Variants in PRKAG2 observed in about 807,000 individuals in gnomAD.
PRKAG2 encodes 5'-AMP-activated protein kinase subunit gamma-2.
PRKAG2 carries 26 observed loss-of-function variants against 69.6 expected under a neutral mutation model. That is an observed-to-expected ratio of 0.37 (90% confidence interval 0.27 to 0.52). The LOEUF (loss-of-function observed/expected upper bound fraction) is 0.52. Among genes scored for constraint, PRKAG2 ranks in the 20% least tolerant of loss-of-function variants. The pLI is 0.90. For missense variants in PRKAG2, 557 were observed against 740.0 expected, an observed-to-expected ratio of 0.75 and a Z score of 2.87; for synonymous variants, 293 against 285.0, an observed-to-expected ratio of 1.03 and a Z score of -0.28.
Position 151,718,660 on chromosome 7 carries a change from G to GT in PRKAG2, c.467-43024dup, listed in dbSNP as rs35755070. Among the ~76,000 whole-genome samples, 11 of 148,976 alleles carry GT rather than the reference G, an allele frequency of 7.4e-5. No homozygotes were observed. In the East Asian group the frequency reaches 9.9e-4, roughly 13 times the overall value. On this transcript the variant is annotated intron_variant, in intron 3 of 15. Transcript: ENST00000287878. The stretch of plus-strand genomic sequence containing the variant: ...AAACAAAACAAACAAAAAAACCCAG[G>GT]TTTTTTTTGCATCCTGGGGACTCTG...
At chr7:151,799,905 A>G (rs1330104819) in intron 1 of PRKAG2, among the ~76,000 whole-genome samples, 1 of 152,206 alleles carries the variant, frequency 6.6e-6, no homozygotes, top group African/African-American at 2.4e-5. Context: ...GGGTGGGCTA[A>G]CAACACTCAC....
In PRKAG2 at chr7:151,849,990, C is replaced by T. The variant is rs144699858; in HGVS notation, c.114+26517G>A. 1.7e-3 allele frequency among the ~76,000 whole-genome samples: 255 copies of T among 152,226 alleles called. 1 individual carries two copies. The highest frequency in any genetic ancestry group is 5.9e-3 in the African/African-American group (247 of 41,536). ...CTGGGGAAGCTGCTCCTGCCCAGCC[C>T]GCAGCACGTTTGCCATTTTCCGGAG... On this transcript the variant is annotated intron_variant, in intron 1 of 15. Transcript: ENST00000287878.
chr7:151,839,889 C>T (rs944613234), intron 1 of PRKAG2, among the ~76,000 whole-genome samples: 1 of 152,150 alleles, frequency 6.6e-6, no homozygotes, highest in African/African-American at 2.4e-5. Flanking sequence ...CTGAGCAGGG[C>T]GGCAGAGGAA....
intron 1 of PRKAG2, among the ~76,000 whole-genome samples, chr7:151,793,344 C>T (rs1586562544): frequency 6.6e-6 from 1 of 152,190 alleles, no homozygotes; most frequent in Admixed American, 6.5e-5. Context: ...CGGCCAGGAC[C>T]CAGCAGCATT....
At chr7:151,815,941 T>G (rs1194516940) in intron 1 of PRKAG2, among the ~76,000 whole-genome samples, 1 of 152,200 alleles carries the variant, frequency 6.6e-6, no homozygotes, top group Non-Finnish European at 1.5e-5. Flanking sequence ...TCCACGAGCC[T>G]GTGACTCAAA....
chr7:151,736,738 G>A (rs1031975028), intron 3 of PRKAG2, among the ~76,000 whole-genome samples: 3 of 152,244 alleles, frequency 2.0e-5, no homozygotes, highest in Non-Finnish European at 4.4e-5. Context: ...TCTTCAAGGA[G>A]GGGATACAGC....
chr7:151,650,684 C>T lies in PRKAG2; in HGVS notation c.685-18546G>A, dbSNP rs75980985. Among the ~76,000 whole-genome samples, 1,378 of 152,290 alleles carry T rather than the reference C, an allele frequency of 9.0e-3. 17 individuals are homozygous for T. The highest frequency in any genetic ancestry group is 0.032 in the African/African-American group (1,317 of 41,554). On this transcript the variant is annotated intron_variant, in intron 4 of 15. Transcript: ENST00000287878. ...TGCTTTTCCCCATCAATGTCAGCAC[C>T]GTGGCAAATTCTGGTGCCTTAATTC...
chr7:151,632,428 G>A lies in PRKAG2; in HGVS notation c.685-290C>T, dbSNP rs1416501097. 3.3e-5 allele frequency: 18 copies of A among 547,124 alleles called. No individual in the cohort carries two copies. Among genetic ancestry groups the A allele is most frequent in the African/African-American group, 4.1e-5 (2 of 48,520 alleles). 33.9% of individuals were successfully genotyped at this position (547,124 alleles called of 1,614,324 possible). A position where few individuals can be genotyped will look rare whatever the true frequency, so the allele number is the denominator to read the frequency against. ...TGGTACGGCCCGCCCGGGAGGAAGC[G>A]TGGGAAGGGACCCGGGAGCTCGAGG... On this transcript the variant is annotated intron_variant, in intron 4 of 15. Coordinates refer to ENST00000287878, the MANE Select transcript of PRKAG2 (RefSeq NM_016203.4). The surrounding 1 kb of genome is among the most constrained non-coding windows in gnomAD (Gnocchi z 4.2).
At chr7:151,591,897 C>T (rs774049918) in intron 6 of PRKAG2, among the ~76,000 whole-genome samples, 2 of 152,134 alleles carry the variant, frequency 1.3e-5, no homozygotes, top group Non-Finnish European at 2.9e-5. Context: ...AGTTCCTGGC[C>T]GACTGCACCA....
chr7:151,843,394 G>C (rs1017746378), intron 1 of PRKAG2, among the ~76,000 whole-genome samples: 1 of 152,120 alleles, frequency 6.6e-6, no homozygotes, highest in African/African-American at 2.4e-5. Context: ...ATATGGTGTT[G>C]ACAAGCTGAA....
chr7:151,800,858 C>T (rs2077802511), intron 1 of PRKAG2, among the ~76,000 whole-genome samples: 1 of 152,132 alleles, frequency 6.6e-6, no homozygotes, highest in Non-Finnish European at 1.5e-5. Context: ...AATAAGGTAT[C>T]AACAGAAGCT....
chr7:151,577,492 G>A (rs868291385), intron 6 of PRKAG2, among the ~76,000 whole-genome samples: 3 of 152,132 alleles, frequency 2.0e-5, no homozygotes, highest in East Asian at 1.9e-4. Flanking sequence ...TAAATAAGCC[G>A]ATATTTTAAA....
rs889269668 is a variant in PRKAG2 at position 151,582,415 on chromosome 7, G to A, written c.865-5963C>T. Among the ~76,000 whole-genome samples the A allele has an allele frequency of 2.0e-5, 3 of 152,142 alleles. No homozygotes were observed. In the South Asian group the frequency reaches 6.2e-4, roughly 32 times the overall value. ...GATCCTCCTGCCTCTGCCTCCCAAAGTGCTGGGATTCCAGGGGTAAGCCAC... is the reference window on the plus strand; with the variant it reads ...GATCCTCCTGCCTCTGCCTCCCAAAATGCTGGGATTCCAGGGGTAAGCCAC... On this transcript the variant is annotated intron_variant, in intron 6 of 15. Coordinates refer to ENST00000287878, the MANE Select transcript of PRKAG2 (RefSeq NM_016203.4).
At position 151,770,925 on chromosome 7, in the gene PRKAG2, T is replaced by C. The variant is rs776550388; in HGVS notation, c.466+10227A>G. ...TGAGAAGTAGGGGTTCCAGCCACGG[T>C]TGGGTCTTGTGTTGACCATTTTCCA... is the stretch of plus-strand genomic sequence containing the variant. On this transcript the variant is annotated intron_variant, in intron 3 of 15. Transcript: ENST00000287878. 1.4e-3 allele frequency among the ~76,000 whole-genome samples: 207 copies of C among 152,310 alleles called. 1 individual carries two copies. The highest frequency in any genetic ancestry group is 2.3e-3 in the Non-Finnish European group (157 of 68,022).
At chr7:151,841,373 G>A (rs1586702404) in intron 1 of PRKAG2, among the ~76,000 whole-genome samples, 1 of 151,852 alleles carries the variant, frequency 6.6e-6, no homozygotes. Context: ...AGGTAGTGAT[G>A]GTAGGTAATG....
chr7:151,843,191 A>G (rs1164243809), intron 1 of PRKAG2, among the ~76,000 whole-genome samples: 2 of 152,168 alleles, frequency 1.3e-5, no homozygotes, highest in Non-Finnish European at 2.9e-5. Context: ...ACAGACGTGC[A>G]GCATATGTAC....
rs925742713 is a variant in PRKAG2, at chr7:151,632,583, G to T, written c.685-445C>A. On this transcript the variant is annotated intron_variant, in intron 4 of 15. Coordinates refer to ENST00000287878, the MANE Select transcript of PRKAG2 (RefSeq NM_016203.4). The surrounding 1 kb of genome is among the most constrained non-coding windows in gnomAD (Gnocchi z 4.2). ...CGGCGCCGCTCACCTTCCCAGCACC[G>T]GCGGCCGCGCTCGGCAGGCTCCACC... is the stretch of plus-strand genomic sequence containing the variant. The T allele has an allele frequency of 6.1e-6, 6 of 983,596 alleles. No homozygotes were observed. Among genetic ancestry groups the T allele is most frequent in the Non-Finnish European group, 7.2e-6 (6 of 828,810 alleles). The allele number at this position is 983,596 out of a possible 1,614,324, so 60.9% of individuals were successfully genotyped here.
intron 15 of PRKAG2, chr7:151,559,924 G>T: frequency 1.0e-6 from 1 of 985,374 alleles, no homozygotes. Context: ...TGAAATGAGA[G>T]GAAGGCCAGC....
At chr7:151,584,600 T>C (rs1811215004) in intron 6 of PRKAG2, among the ~76,000 whole-genome samples, 1 of 152,104 alleles carries the variant, frequency 6.6e-6, no homozygotes. Flanking sequence ...AAGCAAGCAC[T>C]GGGAAGAAAA....
Sources: gnomAD v4.1 joint callset for allele counts (sites outside exome capture counted in the v4.1 genomes callset) on GRCh38, gnomAD v4.1.1 for gene constraint, Gnocchi (gnomAD v3.1) non-coding constraint, MANE v1.5 for transcripts, NCBI Gene and HGNC (gene_info 2026-07-23, HGNC 2026-07-21) for gene names.